Variants in COG5 observed in about 807,000 individuals in gnomAD.
COG5 encodes the protein conserved oligomeric Golgi complex subunit 5.
Under a neutral mutation model 110.4 loss-of-function variants are expected in COG5, and 86 were observed. That is an observed-to-expected ratio of 0.78 (90% CI 0.65 to 0.93). The LOEUF (loss-of-function observed/expected upper bound fraction) is 0.93. Ranked by LOEUF, COG5 falls within the 40% of genes least tolerant of loss-of-function variation. The pLI, the probability that COG5 is intolerant of heterozygous loss-of-function variation, is 0.00. For synonymous variants in COG5, 360 were observed against 334.6 expected (o/e 1.08, Z -0.83); for missense variants, 1,077 against 987.0 (o/e 1.09, Z -1.22).
chr7:107,498,782 T>G (rs1188211944), intron 6 of COG5, among the ~76,000 whole-genome samples: 1 of 152,164 alleles, frequency 6.6e-6, no homozygotes, highest in East Asian at 1.9e-4. Context: ...GATCCAGCAG[T>G]CCCACTTCTG....
At chr7:107,228,702 A>C (rs1800546510) in intron 19 of COG5, among the ~76,000 whole-genome samples, 1 of 152,124 alleles carries the variant, frequency 6.6e-6, no homozygotes, top group Admixed American at 6.5e-5. Flanking sequence ...AGTTTTCCTA[A>C]AACTCATCTC....
At chr7:107,340,320 T>C (rs557554705) in intron 10 of COG5, among the ~76,000 whole-genome samples, 1 of 152,092 alleles carries the variant, frequency 6.6e-6, no homozygotes, top group South Asian at 2.1e-4. Context: ...CAAGATCAAA[T>C]CAGGAAGAAA....
intron 11 of COG5, among the ~76,000 whole-genome samples, chr7:107,318,808 C>G (rs1189677729): frequency 1.3e-5 from 2 of 152,234 alleles, no homozygotes; most frequent in East Asian, 3.8e-4. Context: ...AACGCCCTAT[C>G]TCCAAATACA....
chr7:107,204,793 A>ACCTCCC (rs1395445466), intron 21 of COG5, among the ~76,000 whole-genome samples: 1 of 151,084 alleles, frequency 6.6e-6, no homozygotes, highest in East Asian at 2.0e-4. Context: ...CCAGCCCTCG[A>ACCTCCC]CCTCCCCCTC....
intron 3 of COG5, among the ~76,000 whole-genome samples, chr7:107,553,883 G>A (rs1252336095): frequency 6.6e-6 from 1 of 152,082 alleles, no homozygotes; most frequent in Non-Finnish European, 1.5e-5. Flanking sequence ...AATATGTGCA[G>A]GCATTGTTCT....
chr7:107,283,519 T>G, intron 13 of COG5, 52 bp downstream of exon 13: 1 of 1,478,428 alleles, frequency 6.8e-7, no homozygotes, highest in Non-Finnish European at 9.4e-7. Flanking sequence ...CATATATCAC[T>G]AACAAATATG....
intron 10 of COG5, among the ~76,000 whole-genome samples, chr7:107,343,655 T>C (rs183726016): frequency 1.1e-3 from 169 of 152,230 alleles, no homozygotes; most frequent in African/African-American, 3.8e-3. Flanking sequence ...CACTCCCACG[T>C]AGAAGACAGA....
chr7:107,277,164 T>C (rs547435179), intron 14 of COG5, among the ~76,000 whole-genome samples: 4 of 152,340 alleles, frequency 2.6e-5, no homozygotes, highest in African/African-American at 9.6e-5. Flanking sequence ...TAGATCTTGA[T>C]ATATTGTAAA....
In COG5 at chr7:107,548,286, A is replaced by T; in HGVS notation, c.339T>A (p.Ala113=). The change falls in exon 4 of 22, where the codon GCT becomes GCA. Residue 113 remains alanine, a synonymous_variant. Transcript: ENST00000297135. ...MQTRIGALQG[A]VDRIKAKIVE... The stretch of plus-strand genomic sequence containing the variant: ...AAAATTAAGAACAGTACCTATCAAC[A>T]GCTCCCTGTAAAGCCCCAATTCTCG... 6.2e-7 allele frequency: 1 copy of T among 1,612,986 alleles called. No homozygotes were observed. The highest frequency in any genetic ancestry group is 8.5e-7 in the Non-Finnish European group (1 of 1,178,968).
intron 6 of COG5, among the ~76,000 whole-genome samples, chr7:107,428,648 G>C (rs1433718662): frequency 1.3e-5 from 2 of 152,196 alleles, no homozygotes; most frequent in East Asian, 3.8e-4. Flanking sequence ...TTTGAGTAAT[G>C]TGCTGCAGTA....
At chr7:107,366,631 G>T (rs1401874298) in intron 8 of COG5, among the ~76,000 whole-genome samples, 1 of 152,076 alleles carries the variant, frequency 6.6e-6, no homozygotes, top group Non-Finnish European at 1.5e-5. Flanking sequence ...GGTAGTGTGG[G>T]ATAAAAATCT....
intron 19 of COG5, among the ~76,000 whole-genome samples, chr7:107,228,542 G>C (rs527433807): frequency 2.6e-5 from 4 of 152,212 alleles, no homozygotes; most frequent in East Asian, 3.9e-4. Context: ...GATGACCAAT[G>C]GATTGGCAAC....
chr7:107,306,345 T>A (rs1034978235), intron 11 of COG5, among the ~76,000 whole-genome samples: 1 of 152,152 alleles, frequency 6.6e-6, no homozygotes, highest in African/African-American at 2.4e-5. Flanking sequence ...CTGAAGTGGG[T>A]AATAATTTTT....
At chr7:107,425,449 A>G (rs761448211) in intron 6 of COG5, among the ~76,000 whole-genome samples, 3 of 151,826 alleles carry the variant, frequency 2.0e-5, no homozygotes, top group Non-Finnish European at 4.4e-5. Flanking sequence ...CTTCATATAC[A>G]TGATACCGTA....
chr7:107,554,330 G>C lies in COG5; in HGVS notation c.247C>G (p.His83Asp). The change falls in exon 3 of 22, where the codon CAT (histidine) becomes GAT (aspartate). Residue 83 changes from histidine (H) to aspartate (D), a missense_variant. Coordinates refer to ENST00000297135, the MANE Select transcript of COG5 (RefSeq NM_006348.5). The part of the protein sequence containing the change: ...RELHLQVVAR[H>D]EDLLAQATGI... ...GTTGCTTGTGCCAGTAAATCTTCAT[G>C]TCTTGCAACAACCTGAAAATCAAAA... is the stretch of plus-strand genomic sequence containing the variant. The C allele has an allele frequency of 6.2e-7, 1 of 1,613,854 alleles. No homozygotes were observed. Among genetic ancestry groups the C allele is most frequent in the South Asian group, 1.1e-5 (1 of 91,070 alleles).
chr7:107,379,179 T>C (rs987444938), intron 7 of COG5, among the ~76,000 whole-genome samples: 1 of 152,280 alleles, frequency 6.6e-6, no homozygotes, highest in East Asian at 1.9e-4. Flanking sequence ...CTAAGCTTCA[T>C]AAGCGAAGGA....
At chr7:107,298,399 G>T in intron 11 of COG5, 53 bp from the exon 12 acceptor site, 1 of 1,453,656 alleles carries the variant, frequency 6.9e-7, no homozygotes, top group Non-Finnish European at 9.5e-7. Flanking sequence ...TGTAGTAAAT[G>T]TTTCTTTTGC....
At chr7:107,282,108 T>C (rs981955464) in intron 13 of COG5, among the ~76,000 whole-genome samples, 10 of 152,104 alleles carry the variant, frequency 6.6e-5, no homozygotes, top group Non-Finnish European at 1.3e-4. Context: ...AGAAAATTAT[T>C]GTCCCTAAAG....
At chr7:107,514,499 G>C (rs1220945245) in intron 6 of COG5, among the ~76,000 whole-genome samples, 1 of 152,056 alleles carries the variant, frequency 6.6e-6, no homozygotes, top group African/African-American at 2.4e-5. Flanking sequence ...ATAATAATGT[G>C]ATTTTTTTAA....
Sources: allele counts gnomAD v4.1 joint callset (sites outside exome capture counted in the v4.1 genomes callset), GRCh38; gene constraint gnomAD v4.1.1; transcripts MANE v1.5; gene names NCBI Gene and HGNC (gene_info 2026-07-23, HGNC 2026-07-21).